GTF2IRD2B: variants seen among roughly 807,000 people sequenced by gnomAD.
The protein encoded by GTF2IRD2B is GTF2I repeat domain containing 2B, also known as general transcription factor II-I repeat domain-containing protein 2B.
A neutral mutation model predicts 55.6 loss-of-function variants in GTF2IRD2B; 10 were observed. The ratio of observed to expected loss-of-function variants is 0.18; its 90% confidence interval spans 0.11 to 0.31. The LOEUF is 0.31. Ranked by LOEUF, GTF2IRD2B falls within the 10% of genes least tolerant of loss-of-function variation. The pLI, the probability that GTF2IRD2B is intolerant of heterozygous loss-of-function variation, is 1.00. For missense variants in GTF2IRD2B, 206 were observed against 802.7 expected, an observed-to-expected ratio of 0.26 and a Z score of 8.98; for synonymous variants, 107 against 320.5, an observed-to-expected ratio of 0.33 and a Z score of 7.12.
chr7:75,147,349 C>T (rs1451689563), intron 15 of GTF2IRD2B, among the ~76,000 whole-genome samples: 13 of 151,798 alleles, frequency 8.6e-5, no homozygotes, highest in African/African-American at 3.1e-4. Context: ...AGAAGAATCG[C>T]TTGAACCCAG....
intron 15 of GTF2IRD2B, chr7:75,146,683 C>A (rs1809151408): frequency 1.4e-5 from 1 of 72,134 alleles, no homozygotes; most frequent in African/African-American, 5.8e-5. Flanking sequence ...CAGAACAAGA[C>A]CCTGTCTCTA....
At chr7:75,112,700 G>A (rs1554450895) in intron 3 of GTF2IRD2B, 165 bp downstream of exon 3, 3 of 1,564,858 alleles carry the variant, frequency 1.9e-6, no homozygotes, top group Non-Finnish European at 8.7e-7. Flanking sequence ...ACACTGCAGA[G>A]TCCAAGACAA....
rs1451103738 is a variant in GTF2IRD2B, at chr7:75,123,085, T to C, written c.359-51T>C. The C allele has an allele frequency of 2.3e-5, 35 of 1,541,642 alleles. 1 individual carries two copies. Among genetic ancestry groups the C allele is most frequent in the Non-Finnish European group, 2.6e-5 (30 of 1,152,338 alleles). ...AAAACAAAAAACAAAAAAAAAAAACTGGTAGAACGTTAGGTTCACACCATC... is the reference window on the plus strand; with the variant it reads ...AAAACAAAAAACAAAAAAAAAAAACCGGTAGAACGTTAGGTTCACACCATC... On this transcript the variant is annotated intron_variant, in intron 4 of 15. Coordinates refer to ENST00000472837, the MANE Select transcript of GTF2IRD2B (RefSeq NM_001003795.3).
intron 4 of GTF2IRD2B, among the ~76,000 whole-genome samples, chr7:75,121,460 C>CT (rs71246248): frequency 2.1e-5 from 3 of 145,230 alleles, no homozygotes; most frequent in African/African-American, 7.5e-5. Flanking sequence ...GGAGCTAGTT[C>CT]TTTTTTTTTT....
chr7:75,104,296 G>A (rs1321697150), intron 1 of GTF2IRD2B, among the ~76,000 whole-genome samples: 1 of 152,094 alleles, frequency 6.6e-6, no homozygotes, highest in Non-Finnish European at 1.5e-5. Flanking sequence ...CTAATTTTTA[G>A]TAGAGAAGGG....
chr7:75,127,021 AAAC>A (rs1808537748), intron 8 of GTF2IRD2B, among the ~76,000 whole-genome samples: 1 of 98,812 alleles, frequency 1.0e-5, no homozygotes, highest in Non-Finnish European at 2.4e-5. Context: ...ACAAAAACAA[AAAC>A]AAAAAAAACA....
intron 1 of GTF2IRD2B, among the ~76,000 whole-genome samples, chr7:75,103,670 C>T (rs370028481): frequency 0.068 from 10,209 of 150,944 alleles, 341 homozygotes; most frequent in South Asian, 0.11. Context: ...AGAGAAGGCC[C>T]GTGGGTCGCC....
In GTF2IRD2B at chr7:75,119,858, G is replaced by A. The variant is rs1392851248; in HGVS notation, c.239-1033G>A. On this transcript the variant is annotated intron_variant, in intron 3 of 15. Coordinates refer to ENST00000472837, the MANE Select transcript of GTF2IRD2B (RefSeq NM_001003795.3). ...AGAAAACTATACTTGGCGGGGTGTG[G>A]TGGCTCAGGCCTGTAATCCCAGCAC... 2.4e-4 allele frequency among the ~76,000 whole-genome samples: 24 copies of A among 99,970 alleles called. 6 individuals carry two copies. Among genetic ancestry groups the A allele is most frequent in the African/African-American group, 1.2e-3 (24 of 20,798 alleles). The allele number at this position is 99,970 out of a possible 152,430, so 65.6% of individuals were successfully genotyped here.
At chr7:75,092,900 C>G (rs1468894201) in intron 1 of GTF2IRD2B, 135 bp downstream of exon 1, 1 of 151,914 alleles carries the variant, frequency 6.6e-6, no homozygotes, top group African/African-American at 2.4e-5. Flanking sequence ...CCCCGGGACA[C>G]CCCGGCGCCC....
chr7:75,106,768 T>G (rs1807820476), intron 1 of GTF2IRD2B, among the ~76,000 whole-genome samples: 1 of 116,900 alleles, frequency 8.6e-6, no homozygotes, highest in South Asian at 3.2e-4. Flanking sequence ...TAGCTGAGCC[T>G]GGTAATACAT....
At chr7:75,117,894 C>A (rs1388069415) in intron 3 of GTF2IRD2B, among the ~76,000 whole-genome samples, 1 of 152,238 alleles carries the variant, frequency 6.6e-6, no homozygotes, top group East Asian at 1.9e-4. Flanking sequence ...ACCAGCCTGG[C>A]CAACATGGCG....
At chr7:75,127,318 A>G (rs1446652136) in intron 8 of GTF2IRD2B, among the ~76,000 whole-genome samples, 2 of 150,938 alleles carry the variant, frequency 1.3e-5, no homozygotes, top group Non-Finnish European at 3.0e-5. Context: ...ATCTCTGCAA[A>G]ACATATAAAA....
chr7:75,149,156 C>G lies in GTF2IRD2B; in HGVS notation c.2709C>G (p.His903Gln). Reference protein sequence around the residue: ...YLWGSYPKYKHHCAKILSMFG... With the variant: ...YLWGSYPKYKQHCAKILSMFG... ...GGGGTAGCTACCCGAAATACAAGCACCATTGCGCAAAGATTCTTTCCATGT... is the reference window on the plus strand; with the variant it reads ...GGGGTAGCTACCCGAAATACAAGCAGCATTGCGCAAAGATTCTTTCCATGT... Residue 903 changes from histidine to glutamine, a missense_variant, in exon 16 of 16, where the codon CAC becomes CAG. Coordinates refer to ENST00000472837, the MANE Select transcript of GTF2IRD2B (RefSeq NM_001003795.3). 1 of 662,468 alleles carries G rather than the reference C, an allele frequency of 1.5e-6. No homozygotes were observed. Among genetic ancestry groups the G allele is most frequent in the Non-Finnish European group, 2.8e-6 (1 of 362,062 alleles). The allele number at this position is 662,468 out of a possible 1,614,324, so 41.0% of individuals were successfully genotyped here.
At position 75,149,269 on chromosome 7, in the gene GTF2IRD2B, G is replaced by A; in HGVS notation, c.2822G>A (p.Trp941Ter). The change falls in exon 16 of 16, where the codon TGG becomes TAG. Residue 941 changes from tryptophan (W) to a stop codon, truncating the protein, a stop_gained. Transcript: ENST00000472837. LOFTEE classifies it high-confidence loss of function. ...TGCTCCCAGTTAAAGGATTCCCAGT[G>A]GGATTCTGTACTCCACATCGCAACG... is the stretch of plus-strand genomic sequence containing the variant. ...KYCSQLKDSQ[W>*]DSVLHIAT The A allele has an allele frequency of 1.3e-6, 1 of 753,100 alleles. No homozygotes were observed. The highest frequency in any genetic ancestry group is 2.5e-6 in the Non-Finnish European group (1 of 407,416). 46.7% of individuals were successfully genotyped at this position (753,100 alleles called of 1,614,324 possible).
At chr7:75,102,476 A>G (rs1485982346) in intron 1 of GTF2IRD2B, among the ~76,000 whole-genome samples, 1 of 151,494 alleles carries the variant, frequency 6.6e-6, no homozygotes. Flanking sequence ...GAGGGGATTC[A>G]TAAAAGGTCA....
Position 75,124,008 on chromosome 7 carries a change from C to A in GTF2IRD2B, c.571+492C>A, listed in dbSNP as rs587635599. On this transcript the variant is annotated intron_variant, in intron 6 of 15. Coordinates refer to ENST00000472837, the MANE Select transcript of GTF2IRD2B (RefSeq NM_001003795.3). ...TGCACATTCTGCAGATGTATCCCCC[C>A]CCCTTTTTTTTTTAGAAGAAATAAA... The A allele has an allele frequency of 4.7e-5, 8 of 169,536 alleles. No individual in the cohort carries two copies. In the East Asian group the frequency reaches 6.4e-4, roughly 14 times the overall value. The allele number at this position is 169,536 out of a possible 1,614,324, so 10.5% of individuals were successfully genotyped here. A position where few individuals can be genotyped will look rare whatever the true frequency, so the allele number is the denominator to read the frequency against.
intron 8 of GTF2IRD2B, among the ~76,000 whole-genome samples, chr7:75,130,101 C>CT (rs1476896069): frequency 2.1e-5 from 2 of 97,276 alleles, no homozygotes; most frequent in African/African-American, 7.3e-5. Context: ...CTCTTTCTTT[C>CT]TTTCTTTCTT....
intron 1 of GTF2IRD2B, among the ~76,000 whole-genome samples, chr7:75,106,963 AT>A (rs1807827170): frequency 2.0e-5 from 3 of 151,082 alleles, no homozygotes; most frequent in Admixed American, 1.3e-4. Flanking sequence ...AAAAAAAAAA[AT>A]CTTGGCAAAA....
chr7:75,132,725 G>A (rs1554453127), intron 8 of GTF2IRD2B, among the ~76,000 whole-genome samples: 1 of 145,274 alleles, frequency 6.9e-6, no homozygotes, highest in East Asian at 1.9e-4. Flanking sequence ...GCTAATTTTT[G>A]TAGTTTTAGT....
Sources: allele counts gnomAD v4.1 joint callset (sites outside exome capture counted in the v4.1 genomes callset), GRCh38; gene constraint gnomAD v4.1.1; transcripts MANE v1.5; gene names NCBI Gene and HGNC (gene_info 2026-07-23, HGNC 2026-07-21).